Variants in POTEC observed in about 807,000 individuals in gnomAD.
POTEC encodes POTE ankyrin domain family member C.
POTEC carries 35 observed loss-of-function variants against 62.0 expected under a neutral mutation model. That is an observed-to-expected ratio of 0.56 (90% CI 0.43 to 0.75). The LOEUF (loss-of-function observed/expected upper bound fraction) is 0.75. Ranked by LOEUF, POTEC falls within the 30% of genes least tolerant of loss-of-function variation. POTEC has a pLI of 0.00. For synonymous variants in POTEC, 156 were observed against 221.5 expected (o/e 0.70, Z 2.62); for missense variants, 472 against 655.9 (o/e 0.72, Z 3.06).
At chr18:14,529,414 G>A (rs144440569) in intron 6 of POTEC, among the ~76,000 whole-genome samples, 3,469 of 152,172 alleles carry the variant, frequency 0.023, 63 homozygotes, top group Non-Finnish European at 0.037. Flanking sequence ...GCTCTACTAT[G>A]AGCACCTTAA....
At chr18:14,517,724 T>C (rs1286626861) in intron 9 of POTEC, among the ~76,000 whole-genome samples, 1 of 152,198 alleles carries the variant, frequency 6.6e-6, no homozygotes, top group African/African-American at 2.4e-5. Context: ...TAGCCGGGCA[T>C]GGTGGCATGC....
chr18:14,521,452 G>A (rs2143126275), intron 9 of POTEC, among the ~76,000 whole-genome samples: 2 of 152,058 alleles, frequency 1.3e-5, no homozygotes, highest in South Asian at 4.2e-4. Flanking sequence ...ATTTCCTATT[G>A]GTAAGGATTT....
intron 1 of POTEC, among the ~76,000 whole-genome samples, chr18:14,538,649 C>G (rs1353125147): frequency 1.3e-5 from 2 of 151,818 alleles, no homozygotes; most frequent in African/African-American, 4.8e-5. Flanking sequence ...ACACAAATAA[C>G]AGCTCAAAAA....
At chr18:14,541,088 A>T (rs1905916738) in intron 1 of POTEC, among the ~76,000 whole-genome samples, 1 of 152,156 alleles carries the variant, frequency 6.6e-6, no homozygotes, top group Non-Finnish European at 1.5e-5. Context: ...AACGGGTTTC[A>T]CCACGCTGGC....
chr18:14,526,760 G>A (rs1467665194), intron 6 of POTEC, among the ~76,000 whole-genome samples: 3 of 152,166 alleles, frequency 2.0e-5, no homozygotes, highest in East Asian at 1.9e-4. Context: ...GCAGAAGTCA[G>A]ATTATGAAAG....
intron 4 of POTEC, 128 bp from the exon 5 acceptor site, chr18:14,533,326 A>G: frequency 6.6e-7 from 1 of 1,523,106 alleles, no homozygotes; most frequent in South Asian, 1.3e-5. Flanking sequence ...ATGCACTAAA[A>G]GACATAAGCA....
chr18:14,519,724 G>C (rs1420116466), intron 9 of POTEC, among the ~76,000 whole-genome samples: 1 of 151,838 alleles, frequency 6.6e-6, no homozygotes, highest in Non-Finnish European at 1.5e-5. Context: ...CTCCAAAAAA[G>C]AAAAAGAAAA....
In POTEC at chr18:14,513,666, G is replaced by A. The variant is rs1910073249; in HGVS notation, c.1529C>T (p.Ser510Phe). ...GAAAATGACTAAAGAAAATACCTCA[G>A]AATTCATTTTCTTTTCAGCCACTTC... ...QIEVAEKKMNSELSLSHKKEE... is the reference protein window; with the variant it reads ...QIEVAEKKMNFELSLSHKKEE... The change falls in exon 10 of 11, where the codon TCT becomes TTT. Residue 510 changes from serine to phenylalanine, a missense_variant. This residue lies in a region of POTEC where 67 missense variants were observed against 58.3 expected (regional missense o/e 1.15). Coordinates refer to ENST00000358970, the MANE Select transcript of POTEC (RefSeq NM_001137671.2). The A allele has an allele frequency of 6.2e-7, 1 of 1,611,448 alleles. No homozygotes were observed. Among genetic ancestry groups the A allele is most frequent in the Admixed American group, 1.7e-5 (1 of 59,938 alleles).
intron 9 of POTEC, among the ~76,000 whole-genome samples, chr18:14,517,855 A>C (rs190472642): frequency 6.6e-6 from 1 of 152,180 alleles, no homozygotes; most frequent in African/African-American, 2.4e-5. Flanking sequence ...AGCGAGACTC[A>C]ATCTCAAAAT....
chr18:14,542,427 T>C (rs56299841), intron 1 of POTEC, among the ~76,000 whole-genome samples, 199 bp downstream of exon 1: 9,986 of 152,224 alleles, frequency 0.066, 384 homozygotes, highest in Non-Finnish European at 0.078. Flanking sequence ...AAATTATAAT[T>C]GGATTGAAAA....
rs1045674438 is a variant in POTEC, at chr18:14,528,646, G to A, written c.1126+1837C>T. Among the ~76,000 whole-genome samples, 9 of 152,000 alleles carry A rather than the reference G, an allele frequency of 5.9e-5. No individual in the cohort carries two copies. In the East Asian group the frequency reaches 1.7e-3, roughly 30 times the overall value. ...CACTGCCAACAGCACAGCTGAAAGAGGGACAAGTGGGATCCTAGGATATCA... is the reference window on the plus strand; with the variant it reads ...CACTGCCAACAGCACAGCTGAAAGAAGGACAAGTGGGATCCTAGGATATCA... On this transcript the variant is annotated intron_variant, in intron 6 of 10. Coordinates refer to ENST00000358970, the MANE Select transcript of POTEC (RefSeq NM_001137671.2).
intron 5 of POTEC, among the ~76,000 whole-genome samples, chr18:14,531,494 TTATAA>T (rs1388831720): frequency 1.6e-4 from 25 of 152,308 alleles, no homozygotes; most frequent in African/African-American, 5.3e-4. Flanking sequence ...ACATACATAC[TTATAA>T]TATATTTTGC....
At chr18:14,516,355 T>A (rs1910159338) in intron 9 of POTEC, among the ~76,000 whole-genome samples, 1 of 90,628 alleles carries the variant, frequency 1.1e-5, no homozygotes, top group African/African-American at 4.9e-5. Flanking sequence ...TGAGACTGGG[T>A]AATTCATAAA....
At chr18:14,542,155 T>G (rs1279405779) in intron 1 of POTEC, among the ~76,000 whole-genome samples, 1 of 152,150 alleles carries the variant, frequency 6.6e-6, no homozygotes, top group African/African-American at 2.4e-5. Context: ...TGAACCATAC[T>G]TCCCATTTCA....
In POTEC at chr18:14,509,511, AAC is replaced by A. The variant is rs1188029458; in HGVS notation, c.*2385_*2386del. Reference sequence around the variant, plus strand: ...AAGTACAACAAAACCCACCTGTGTAAACACACACAGCAAAGTGATGTAGGAAG... The same window carrying A: ...AAGTACAACAAAACCCACCTGTGTAAACACACAGCAAAGTGATGTAGGAAG... On this transcript the variant is annotated 3_prime_UTR_variant, in exon 11 of 11. Coordinates refer to ENST00000358970, the MANE Select transcript of POTEC (RefSeq NM_001137671.2). 2 of 151,920 alleles carry A rather than the reference AAC, an allele frequency of 1.3e-5. No homozygotes were observed. The highest frequency in any genetic ancestry group is 2.4e-5 in the African/African-American group (1 of 41,366). 9.4% of individuals were successfully genotyped at this position (151,920 alleles called of 1,614,324 possible). A position where few individuals can be genotyped will look rare whatever the true frequency, so the allele number is the denominator to read the frequency against.
At chr18:14,537,212 A>ACCCACACAC (rs1905763794) in intron 3 of POTEC, among the ~76,000 whole-genome samples, 1 of 60,592 alleles carries the variant, frequency 1.7e-5, no homozygotes. Flanking sequence ...CACACACACA[A>ACCCACACAC]AAAAAAAAAA....
Position 14,533,172 on chromosome 18 carries a change from C to T in POTEC, c.944G>A (p.Cys315Tyr). The T allele has an allele frequency of 6.2e-7, 1 of 1,611,302 alleles. No homozygotes were observed. The highest frequency in any genetic ancestry group is 8.5e-7 in the Non-Finnish European group (1 of 1,179,470). ...GRTALILAVC[C>Y]GSASIVNLLL... Reference sequence around the variant, plus strand: ...AAGATTGACTATACTTGCTGATCCACAACATACAGCAAGTATGAGGGCAGT... The same window carrying T: ...AAGATTGACTATACTTGCTGATCCATAACATACAGCAAGTATGAGGGCAGT... The change falls in exon 5 of 11, where the codon TGT becomes TAT. Residue 315 changes from cysteine to tyrosine, a missense_variant. Cys to Tyr is a radical substitution (Grantham distance 194, BLOSUM62 -2). This residue lies in a region of POTEC where 83 missense variants were observed against 254.3 expected (regional missense o/e 0.33). Coordinates refer to ENST00000358970, the MANE Select transcript of POTEC (RefSeq NM_001137671.2).
At position 14,543,455 on chromosome 18, in the gene POTEC, C is replaced by T; in HGVS notation, c.-309G>A. The T allele has an allele frequency of 1.1e-5, 6 of 541,920 alleles. No individual in the cohort carries two copies. In the South Asian group the frequency reaches 1.3e-4, roughly 12 times the overall value. The allele number at this position is 541,920 out of a possible 1,614,324, so 33.6% of individuals were successfully genotyped here. A position where few individuals can be genotyped will look rare whatever the true frequency, so the allele number is the denominator to read the frequency against. ...CAAACCCAGCAGAGAAAAAGTCAAG[C>T]CCAGCAAAGGAATGCGAGGGAGGAA... On this transcript the variant is annotated 5_prime_UTR_variant, in exon 1 of 11. Transcript: ENST00000358970.
intron 9 of POTEC, among the ~76,000 whole-genome samples, chr18:14,517,934 A>G (rs1007239464): frequency 6.6e-6 from 1 of 152,208 alleles, no homozygotes; most frequent in African/African-American, 2.4e-5. Context: ...TATGATTACT[A>G]GTAAAAGAAT....
Sources: gnomAD v4.1 joint callset for allele counts (sites outside exome capture counted in the v4.1 genomes callset) on GRCh38, gnomAD v4.1.1 for gene constraint, gnomAD v4.1.1 regional missense constraint, MANE v1.5 for transcripts, NCBI Gene and HGNC (gene_info 2026-07-23, HGNC 2026-07-21) for gene names.